Variants in EYA2 observed in about 807,000 individuals in gnomAD.
The protein encoded by EYA2 is protein phosphatase EYA2.
A neutral mutation model predicts 69.2 loss-of-function variants in EYA2; 31 were observed. That is an observed-to-expected ratio of 0.45 (90% CI 0.34 to 0.60). The LOEUF (loss-of-function observed/expected upper bound fraction) is 0.60, where lower values mean the gene tolerates loss of function less well. Among genes scored for constraint, EYA2 ranks in the 20% least tolerant of loss-of-function variants. The pLI is 0.02. For synonymous variants in EYA2, 257 were observed against 279.4 expected (o/e 0.92, Z 0.80); for missense variants, 622 against 701.2 (o/e 0.89, Z 1.28).
chr20:47,026,968 A>G (rs1984127075), intron 5 of EYA2, among the ~76,000 whole-genome samples: 1 of 151,662 alleles, frequency 6.6e-6, no homozygotes. Flanking sequence ...AAACACGTAT[A>G]AGGCTGGCTT....
At chr20:47,037,319 C>G (rs539179507) in intron 5 of EYA2, among the ~76,000 whole-genome samples, 2 of 152,240 alleles carry the variant, frequency 1.3e-5, no homozygotes, top group Admixed American at 1.3e-4. Context: ...GTGGGAATTC[C>G]CCTACTCATC....
intron 1 of EYA2, among the ~76,000 whole-genome samples, chr20:46,903,487 A>G (rs1984213237): frequency 6.6e-6 from 1 of 152,202 alleles, no homozygotes; most frequent in Non-Finnish European, 1.5e-5. Flanking sequence ...AGACTTTCCA[A>G]ACCTCAGCCT....
chr20:47,035,757 T>C lies in EYA2; in HGVS notation c.415+19460T>C, dbSNP rs7268409. 2.3e-3 allele frequency among the ~76,000 whole-genome samples: 343 copies of C among 151,826 alleles called. 1 individual carries two copies. The highest frequency in any genetic ancestry group is 8.0e-3 in the African/African-American group (329 of 41,378). On this transcript the variant is annotated intron_variant, in intron 5 of 15. Coordinates refer to ENST00000327619, the MANE Select transcript of EYA2 (RefSeq NM_005244.5). ...TGGGCCGGGCTTGGTGGCTGATACC[T>C]GTAACTTTGGGAAACGGAGGCAGGA...
Position 46,940,275 on chromosome 20 carries a change from C to A in EYA2, c.-11+45288C>A, listed in dbSNP as rs75684142. 9.8e-5 allele frequency among the ~76,000 whole-genome samples: 15 copies of A among 152,336 alleles called. No homozygotes were observed. In the East Asian group the frequency reaches 2.9e-3, roughly 29 times the overall value. ...TGTGTGCCAGGCATAGCTGTAAGTG[C>A]TTTTCACACATCAACTCACATAATA... On this transcript the variant is annotated intron_variant, in intron 1 of 15. Transcript: ENST00000327619.
intron 1 of EYA2, among the ~76,000 whole-genome samples, chr20:46,931,060 C>G (rs1985647950): frequency 6.6e-6 from 1 of 152,142 alleles, no homozygotes. Context: ...TCAAACTCAC[C>G]TCCAATTGAG....
intron 1 of EYA2, among the ~76,000 whole-genome samples, chr20:46,965,001 C>G (rs1979688656): frequency 6.6e-6 from 1 of 152,212 alleles, no homozygotes; most frequent in South Asian, 2.1e-4. Flanking sequence ...AGTTGTGCCA[C>G]TAGACGCCCA....
chr20:47,050,440 T>C (rs1255204242), intron 5 of EYA2, among the ~76,000 whole-genome samples: 1 of 152,052 alleles, frequency 6.6e-6, no homozygotes, highest in Non-Finnish European at 1.5e-5. Flanking sequence ...CACCCACTAG[T>C]GATGGCAGGA....
intron 1 of EYA2, among the ~76,000 whole-genome samples, chr20:46,969,540 T>C (rs1315176262): frequency 6.8e-6 from 1 of 147,752 alleles, no homozygotes. Context: ...TCTTTGTTTC[T>C]CCTCTTTTGT....
rs1329508596 is a variant in EYA2 at position 47,078,329 on chromosome 20, GCGCA to G, written c.661+3996_661+3999del. On this transcript the variant is annotated intron_variant, in intron 7 of 15. Coordinates refer to ENST00000327619, the MANE Select transcript of EYA2 (RefSeq NM_005244.5). The stretch of plus-strand genomic sequence containing the variant: ...TGCACATGTGCACGTGCGCGCGCGC[GCGCA>G]CACACACACACACACACACACACAC... Among the ~76,000 whole-genome samples, 56 of 116,160 alleles carry G rather than the reference GCGCA, an allele frequency of 4.8e-4. No homozygotes were observed. The East Asian group carries it at 5.6e-3, about 12-fold the overall frequency. 76.2% of individuals were successfully genotyped at this position (116,160 alleles called of 152,430 possible).
At chr20:47,175,429 T>G (rs1247048033) in intron 12 of EYA2, among the ~76,000 whole-genome samples, 1 of 152,210 alleles carries the variant, frequency 6.6e-6, no homozygotes, top group Non-Finnish European at 1.5e-5. Flanking sequence ...TTGACCTCCC[T>G]GTGCCTCAGT....
At chr20:46,919,336 GT>G (rs1401973375) in intron 1 of EYA2, among the ~76,000 whole-genome samples, 1 of 152,234 alleles carries the variant, frequency 6.6e-6, no homozygotes, top group Non-Finnish European at 1.5e-5. Flanking sequence ...ATCGAATGCT[GT>G]TTTGTCTGCA....
Position 46,989,038 on chromosome 20 carries a change from C to A in EYA2, c.-10-963C>A, listed in dbSNP as rs193131172. On this transcript the variant is annotated intron_variant, in intron 1 of 15. Coordinates refer to ENST00000327619, the MANE Select transcript of EYA2 (RefSeq NM_005244.5). ...AGAAGGAGTGACTACCAACATGGTG[C>A]AAGAATTAGAAATGTTTTCAATTAA... Among the ~76,000 whole-genome samples the A allele has an allele frequency of 3.0e-4, 45 of 152,042 alleles. No homozygotes were observed. The East Asian group carries it at 5.4e-3, about 18-fold the overall frequency.
At chr20:47,115,849 CCCCTGCCAA>C (rs1462667207) in intron 9 of EYA2, among the ~76,000 whole-genome samples, 1 of 152,244 alleles carries the variant, frequency 6.6e-6, no homozygotes, top group Non-Finnish European at 1.5e-5. Flanking sequence ...GGCGGTCCAG[CCCCTGCCAA>C]CCTTGCCAAC....
intron 1 of EYA2, among the ~76,000 whole-genome samples, chr20:46,919,803 G>C (rs573043966): frequency 1.9e-4 from 29 of 152,282 alleles, no homozygotes; most frequent in Admixed American, 5.2e-4. Context: ...CTCAGCTTTC[G>C]ACATGCCTTC....
At chr20:47,130,138 C>G (rs561683183) in intron 9 of EYA2, among the ~76,000 whole-genome samples, 1 of 152,002 alleles carries the variant, frequency 6.6e-6, no homozygotes, top group South Asian at 2.1e-4. Context: ...TCTTAAAATG[C>G]CTTTTTTATG....
chr20:46,904,011 G>A (rs181407946), intron 1 of EYA2, among the ~76,000 whole-genome samples: 38 of 152,272 alleles, frequency 2.5e-4, no homozygotes, highest in Non-Finnish European at 4.4e-5. Context: ...ATAAGCTATT[G>A]ATCAGTTGAG....
At chr20:47,124,202 C>T (rs967672571) in intron 9 of EYA2, among the ~76,000 whole-genome samples, 1 of 152,148 alleles carries the variant, frequency 6.6e-6, no homozygotes, top group Non-Finnish European at 1.5e-5. Flanking sequence ...CATTTTATGA[C>T]CCTTGAGTCC....
Position 46,986,403 on chromosome 20 carries a change from G to GATCTATATATCTATATATAATATATAA in EYA2, c.-10-3589_-10-3588insTCTATATATAATATATAAATCTATATA, listed in dbSNP as rs1555809572. Among the ~76,000 whole-genome samples the GATCTATATATCTATATATAATATATAA allele has an allele frequency of 6.3e-3, 852 of 134,842 alleles. 8 individuals carry two copies. The highest frequency in any genetic ancestry group is 0.022 in the African/African-American group (811 of 36,400). The allele number at this position is 134,842 out of a possible 152,430, so 88.5% of individuals were successfully genotyped here. A position where few individuals can be genotyped will look rare whatever the true frequency, so the allele number is the denominator to read the frequency against. ...ATTATATATCGATATATAATATATAGATCTATATAATATCTATATATATAA... is the reference window on the plus strand; with the variant it reads ...ATTATATATCGATATATAATATATAGATCTATATATCTATATATAATATATAAATCTATATAATATCTATATATATAA... On this transcript the variant is annotated intron_variant, in intron 1 of 15. Transcript: ENST00000327619.
chr20:47,054,168 G>A (rs890401949), intron 5 of EYA2, among the ~76,000 whole-genome samples: 14 of 152,106 alleles, frequency 9.2e-5, no homozygotes, highest in East Asian at 3.8e-4. Flanking sequence ...CAGAATGGAC[G>A]GGGTTTGTTC....
Sources: allele counts gnomAD v4.1 joint callset (sites outside exome capture counted in the v4.1 genomes callset), GRCh38; gene constraint gnomAD v4.1.1; transcripts MANE v1.5; gene names NCBI Gene and HGNC (gene_info 2026-07-23, HGNC 2026-07-21).